Variants in COLEC12 observed in about 807,000 individuals in gnomAD.
COLEC12 encodes collectin subfamily member 12, also known as collectin-12.
COLEC12 carries 33 observed loss-of-function variants against 71.1 expected under a neutral mutation model. The observed-to-expected ratio is 0.46, with a 90% CI of 0.35 to 0.62. COLEC12 has a LOEUF of 0.62. Ranked by LOEUF, COLEC12 falls within the 20% of genes least tolerant of loss-of-function variation. The pLI, the probability that COLEC12 is intolerant of heterozygous loss-of-function variation, is 0.00. For synonymous variants in COLEC12, 350 were observed against 353.0 expected (o/e 0.99, Z 0.10); for missense variants, 765 against 916.1 (o/e 0.84, Z 2.13).
rs34019105 is a variant in COLEC12, at chr18:316,896, CA to C, written c.*3148del. On this transcript the variant is annotated 3_prime_UTR_variant, in exon 10 of 10. Coordinates refer to ENST00000400256, the MANE Select transcript of COLEC12 (RefSeq NM_130386.3). Reference sequence around the variant, plus strand: ...CATATTTTACTAAAACTCTCCACTCCAAAAGAGCATCAGTTGTGTGTAGGTG... The same window carrying C: ...CATATTTTACTAAAACTCTCCACTCCAAAGAGCATCAGTTGTGTGTAGGTG... 12,290 of 152,172 alleles carry C rather than the reference CA, an allele frequency of 0.081. 656 individuals carry two copies. The highest frequency in any genetic ancestry group is 0.16 in the South Asian group (774 of 4,826). 9.4% of individuals were successfully genotyped at this position (152,172 alleles called of 1,614,324 possible).
intron 2 of COLEC12, among the ~76,000 whole-genome samples, chr18:368,641 G>A (rs1422966510): frequency 6.6e-6 from 1 of 151,842 alleles, no homozygotes; most frequent in Non-Finnish European, 1.5e-5. Flanking sequence ...AAGGTGGGCG[G>A]ATCATGAGGT....
In COLEC12 at chr18:325,598, CTCATTACACCAAGAGTAAAAGGA is replaced by C. The variant is rs1317945523; in HGVS notation, c.2064-3814_2064-3792del. On this transcript the variant is annotated intron_variant, in intron 8 of 9. Coordinates refer to ENST00000400256, the MANE Select transcript of COLEC12 (RefSeq NM_130386.3). The stretch of plus-strand genomic sequence containing the variant: ...TCCCAATCACATGCTTACACCTATA[CTCATTACACCAAGAGTAAAAGGA>C]TCAGCCTTTTTTTTTTTTTTTTTTT... 2.2e-5 allele frequency among the ~76,000 whole-genome samples: 3 copies of C among 137,276 alleles called. No homozygotes were observed. The Admixed American group carries it at 2.4e-4, about 11-fold the overall frequency. 90.1% of individuals were successfully genotyped at this position (137,276 alleles called of 152,430 possible).
chr18:379,518 A>C (rs1343245002), intron 2 of COLEC12, among the ~76,000 whole-genome samples: 1 of 152,214 alleles, frequency 6.6e-6, no homozygotes, highest in Non-Finnish European at 1.5e-5. Context: ...AAAATAGAGG[A>C]GAATGACAAA....
intron 1 of COLEC12, among the ~76,000 whole-genome samples, chr18:494,867 G>C (rs1917681089): frequency 6.6e-6 from 1 of 152,046 alleles, no homozygotes; most frequent in Non-Finnish European, 1.5e-5. Flanking sequence ...GTGATACTGA[G>C]GTATGATATC....
intron 2 of COLEC12, among the ~76,000 whole-genome samples, chr18:439,998 C>G (rs1414480095): frequency 6.6e-6 from 1 of 152,054 alleles, no homozygotes; most frequent in Non-Finnish European, 1.5e-5. Flanking sequence ...AATGCACACA[C>G]ACACACACAC....
At position 500,219 on chromosome 18, in the gene COLEC12, C is replaced by T. The variant is rs887448441; in HGVS notation, c.7+289G>A. ...GTTTTTTCAATTAAAAAGTTGGAAA[C>T]GGGAATCCGTAAACAACGACTTAGG... On this transcript the variant is annotated intron_variant, in intron 1 of 9. Coordinates refer to ENST00000400256, the MANE Select transcript of COLEC12 (RefSeq NM_130386.3). The surrounding 1 kb of genome is among the most constrained non-coding windows in gnomAD (Gnocchi z 5.3). Among the ~76,000 whole-genome samples, 13 of 152,300 alleles carry T rather than the reference C, an allele frequency of 8.5e-5. No individual in the cohort carries two copies. The highest frequency in any genetic ancestry group is 3.4e-3 in the Middle Eastern group (1 of 294).
At chr18:456,638 C>T (rs1277114963) in intron 2 of COLEC12, among the ~76,000 whole-genome samples, 3 of 152,240 alleles carry the variant, frequency 2.0e-5, no homozygotes, top group South Asian at 2.1e-4. Context: ...TTACTGGAAA[C>T]CCACTGGCAG....
At chr18:349,744 G>A (rs571504056) in intron 3 of COLEC12, among the ~76,000 whole-genome samples, 3 of 152,334 alleles carry the variant, frequency 2.0e-5, no homozygotes, top group East Asian at 1.9e-4. Context: ...CAGCATGACC[G>A]GGATGTGCGA....
chr18:497,513 T>C (rs34907755), intron 1 of COLEC12, among the ~76,000 whole-genome samples: 34,336 of 152,026 alleles, frequency 0.23, 3,861 homozygotes, highest in South Asian at 0.27. Context: ...CAAGCTATTC[T>C]CCTGCCTCAG....
intron 8 of COLEC12, among the ~76,000 whole-genome samples, chr18:324,427 A>G (rs1354967802): frequency 6.6e-6 from 1 of 152,062 alleles, no homozygotes; most frequent in Admixed American, 6.6e-5. Context: ...TGGACATCAC[A>G]CTCTGAAAAC....
At chr18:452,624 G>C (rs1916784774) in intron 2 of COLEC12, among the ~76,000 whole-genome samples, 1 of 152,152 alleles carries the variant, frequency 6.6e-6, no homozygotes, top group African/African-American at 2.4e-5. Context: ...GCTCTGGCAG[G>C]ATTCTGTGGG....
intron 2 of COLEC12, among the ~76,000 whole-genome samples, chr18:376,909 AT>A (rs1226987890): frequency 6.6e-6 from 1 of 152,228 alleles, no homozygotes; most frequent in Non-Finnish European, 1.5e-5. Context: ...GAGATACTGC[AT>A]TTTACAAAAT....
intron 2 of COLEC12, among the ~76,000 whole-genome samples, chr18:403,745 A>C (rs747934092): frequency 8.5e-5 from 13 of 152,234 alleles, no homozygotes; most frequent in Non-Finnish European, 1.5e-4. Context: ...AAGTAAGAGA[A>C]AAGTTATCTT....
intron 2 of COLEC12, among the ~76,000 whole-genome samples, chr18:412,384 G>C (rs1182128710): frequency 1.3e-5 from 2 of 151,454 alleles, no homozygotes; most frequent in African/African-American, 2.4e-5. Flanking sequence ...CTTCAGAAAT[G>C]AAAGGGGAAA....
At chr18:482,402 C>T (rs1448792528) in intron 1 of COLEC12, among the ~76,000 whole-genome samples, 1 of 151,986 alleles carries the variant, frequency 6.6e-6, no homozygotes, top group South Asian at 2.1e-4. Flanking sequence ...GCATGAGCCA[C>T]CGTGCCCGGC....
At position 362,116 on chromosome 18, in the gene COLEC12, C is replaced by G. The variant is rs618250; in HGVS notation, c.59-4594G>C. 1.3e-5 allele frequency among the ~76,000 whole-genome samples: 2 copies of G among 152,212 alleles called. No individual in the cohort carries two copies. The highest frequency in any genetic ancestry group is 2.9e-5 in the Non-Finnish European group (2 of 68,044). ...TTTCCCTCCCATCCTTCCCCGTGAG[C>G]TAGCCCTGTGGCCGCCAGGCATCTG... On this transcript the variant is annotated intron_variant, in intron 2 of 9. Transcript: ENST00000400256. This position sits in a 1 kb window ranked among gnomAD's most constrained non-coding sequence, Gnocchi z 4.6.
Position 455,537 on chromosome 18 carries a change from G to C in COLEC12, c.58+25170C>G, listed in dbSNP as rs1376981108. On this transcript the variant is annotated intron_variant, in intron 2 of 9. Transcript: ENST00000400256. ...ATACATGTGCAGAATGTACAGGTTT[G>C]TTACATAGGTATACATGTGCCATGG... Among the ~76,000 whole-genome samples the C allele has an allele frequency of 2.0e-5, 3 of 152,216 alleles. No homozygotes were observed. In the South Asian group the frequency reaches 6.2e-4, roughly 32 times the overall value.
At chr18:492,694 C>CAA (rs61017327) in intron 1 of COLEC12, among the ~76,000 whole-genome samples, 2 of 138,226 alleles carry the variant, frequency 1.4e-5, no homozygotes. Context: ...TCTCTGGAGA[C>CAA]AAAAAAAAAA....
intron 2 of COLEC12, among the ~76,000 whole-genome samples, chr18:426,515 G>T (rs1041541859): frequency 5.3e-5 from 8 of 152,236 alleles, no homozygotes; most frequent in South Asian, 2.1e-4. Context: ...AGCCAGTTTT[G>T]CATCTACTAG....
Sources: gnomAD v4.1 joint callset for allele counts (sites outside exome capture counted in the v4.1 genomes callset) on GRCh38, gnomAD v4.1.1 for gene constraint, Gnocchi (gnomAD v3.1) non-coding constraint, MANE v1.5 for transcripts, NCBI Gene and HGNC (gene_info 2026-07-23, HGNC 2026-07-21) for gene names.